Variants in KLHDC10 observed in about 807,000 individuals in gnomAD.
KLHDC10 encodes the protein kelch domain-containing protein 10.
Under a neutral mutation model 56.1 loss-of-function variants are expected in KLHDC10, and 24 were observed. The observed-to-expected ratio is 0.43, with a 90% CI of 0.31 to 0.60. The LOEUF (loss-of-function observed/expected upper bound fraction) is 0.60. Among genes scored for constraint, KLHDC10 ranks in the 20% least tolerant of loss-of-function variants. The probability of loss-of-function intolerance (pLI) is 0.11; values close to 1 mark genes in which losing one functional copy is unlikely to be tolerated. For synonymous variants in KLHDC10, 188 were observed against 207.1 expected, an observed-to-expected ratio of 0.91 and a Z score of 0.79; for missense variants, 349 against 567.0, an observed-to-expected ratio of 0.62 and a Z score of 3.91.
Position 130,106,728 on chromosome 7 carries a change from A to G in KLHDC10, c.254-9717A>G, listed in dbSNP as rs201463503. ...CACAGTGGCTCATGCCTGTAATCCC[A>G]GCGCTTTGGGAGGCTGAGGTGGGAG... On this transcript the variant is annotated intron_variant, in intron 2 of 9. Coordinates refer to ENST00000335420, the MANE Select transcript of KLHDC10 (RefSeq NM_014997.4). 1.1e-4 allele frequency among the ~76,000 whole-genome samples: 16 copies of G among 152,350 alleles called. No individual in the cohort carries two copies. In the East Asian group the frequency reaches 2.3e-3, roughly 22 times the overall value.
intron 2 of KLHDC10, among the ~76,000 whole-genome samples, chr7:130,109,149 C>CCCTA (rs1426984605): frequency 1.3e-5 from 2 of 152,052 alleles, no homozygotes; most frequent in Admixed American, 6.6e-5. Context: ...TCAAGTGATC[C>CCCTA]ACCCGCCTTG....
At chr7:130,119,043 C>CT (rs2116906409) in intron 3 of KLHDC10, among the ~76,000 whole-genome samples, 1 of 144,466 alleles carries the variant, frequency 6.9e-6, no homozygotes, top group African/African-American at 2.6e-5. Flanking sequence ...AAGACCCTGT[C>CT]TCTTAAAAAA....
At chr7:130,074,979 T>G (rs1197964684) in intron 1 of KLHDC10, among the ~76,000 whole-genome samples, 1 of 152,184 alleles carries the variant, frequency 6.6e-6, no homozygotes, top group South Asian at 2.1e-4. Context: ...AACAATAGTT[T>G]GTGAAACCTT....
chr7:130,113,719 ATT>A (rs1796131699), intron 2 of KLHDC10, among the ~76,000 whole-genome samples: 1 of 152,162 alleles, frequency 6.6e-6, no homozygotes, highest in African/African-American at 2.4e-5. Flanking sequence ...TGTGAATTGT[ATT>A]TGTCACAGAG....
chr7:130,104,643 G>A (rs1206379912), intron 2 of KLHDC10, among the ~76,000 whole-genome samples: 4 of 152,162 alleles, frequency 2.6e-5, no homozygotes, highest in African/African-American at 9.7e-5. Context: ...AGGCTGTATA[G>A]GAAGCATGGT....
rs1330600724 is a variant in KLHDC10, at chr7:130,131,118, T to C, written c.*372T>C. ...ATACAATATTCTAGAAATTAAAACATCATCAACATAAAGAAAAATGAAATT... is the reference window on the plus strand; with the variant it reads ...ATACAATATTCTAGAAATTAAAACACCATCAACATAAAGAAAAATGAAATT... On this transcript the variant is annotated 3_prime_UTR_variant, in exon 10 of 10. Transcript: ENST00000335420. 6.2e-6 allele frequency: 1 copy of C among 161,286 alleles called. No individual in the cohort carries two copies. Among genetic ancestry groups the C allele is most frequent in the East Asian group, 1.8e-4 (1 of 5,682 alleles). The allele number at this position is 161,286 out of a possible 1,614,324, so 10.0% of individuals were successfully genotyped here.
At chr7:130,128,889 A>AATATATATAT (rs1554468213) in intron 8 of KLHDC10, among the ~76,000 whole-genome samples, 35 of 66,890 alleles carry the variant, frequency 5.2e-4, no homozygotes, top group South Asian at 1.1e-3. Context: ...AAAAAAAAAA[A>AATATATATAT]ATATATATAT....
At position 130,120,342 on chromosome 7, in the gene KLHDC10, GC is replaced by G. The variant is rs1796232077; in HGVS notation, c.476-404del. On this transcript the variant is annotated intron_variant, in intron 3 of 9. Coordinates refer to ENST00000335420, the MANE Select transcript of KLHDC10 (RefSeq NM_014997.4). This position sits in a 1 kb window ranked among gnomAD's most constrained non-coding sequence, Gnocchi z 5.1. ...GCCTAGCAATGAACTATGTGATAGA[GC>G]CCATATAGTGGAATTAGATCTTTTT... Among the ~76,000 whole-genome samples, 1 of 152,162 alleles carries G rather than the reference GC, an allele frequency of 6.6e-6. No homozygotes were observed. The highest frequency in any genetic ancestry group is 2.4e-5 in the African/African-American group (1 of 41,442).
chr7:130,086,299 G>T (rs949348045), intron 1 of KLHDC10, among the ~76,000 whole-genome samples: 1 of 152,080 alleles, frequency 6.6e-6, no homozygotes, highest in African/African-American at 2.4e-5. Flanking sequence ...ACACATAAAG[G>T]TTACGCTTAC....
chr7:130,116,738 C>T lies in KLHDC10; in HGVS notation c.475+72C>T. 8.2e-7 allele frequency: 1 copy of T among 1,212,962 alleles called. No individual in the cohort carries two copies. Among genetic ancestry groups the T allele is most frequent in the Non-Finnish European group, 1.2e-6 (1 of 819,506 alleles). The allele number at this position is 1,212,962 out of a possible 1,614,324, so 75.1% of individuals were successfully genotyped here. A position where few individuals can be genotyped will look rare whatever the true frequency, so the allele number is the denominator to read the frequency against. On this transcript the variant is annotated intron_variant, in intron 3 of 9. Coordinates refer to ENST00000335420, the MANE Select transcript of KLHDC10 (RefSeq NM_014997.4). The surrounding 1 kb of genome is among the most constrained non-coding windows in gnomAD (Gnocchi z 4.8). ...AAGCCAGGTTCAATGTCCCATATTC[C>T]TCATTAATAATTTATAACACTATAA...
At chr7:130,123,392 C>A (rs768511395) in intron 5 of KLHDC10, among the ~76,000 whole-genome samples, 1 of 151,926 alleles carries the variant, frequency 6.6e-6, no homozygotes, top group South Asian at 2.1e-4. Context: ...ATTGCTTGAA[C>A]CCGGGAGGCA....
Position 130,120,729 on chromosome 7 carries a change from T to C in KLHDC10, c.476-20T>C, listed in dbSNP as rs777906035. 6.2e-7 allele frequency: 1 copy of C among 1,613,072 alleles called. No homozygotes were observed. Among genetic ancestry groups the C allele is most frequent in the Non-Finnish European group, 8.5e-7 (1 of 1,179,438 alleles). ...GCAGGTAGCCATTTGTGAACAGAACTTGTGCTTCTCCTTCCTCAGTTGTGC... is the reference window on the plus strand; with the variant it reads ...GCAGGTAGCCATTTGTGAACAGAACCTGTGCTTCTCCTTCCTCAGTTGTGC... On this transcript the variant is annotated intron_variant, in intron 3 of 9. Coordinates refer to ENST00000335420, the MANE Select transcript of KLHDC10 (RefSeq NM_014997.4). This position sits in a 1 kb window ranked among gnomAD's most constrained non-coding sequence, Gnocchi z 5.1.
chr7:130,128,889 A>AAAAAAATATATATATATATAT, intron 8 of KLHDC10, among the ~76,000 whole-genome samples: 14 of 66,958 alleles, frequency 2.1e-4, no homozygotes, highest in African/African-American at 5.1e-4. Flanking sequence ...AAAAAAAAAA[A>AAAAAAATATATATATATATAT]ATATATATAT....
chr7:130,130,490 G>T lies in KLHDC10; in HGVS notation c.1120-47G>T. ...TTTTCCCCACTGAGTCTTCAGCCTT[G>T]TATGTTTCTCTCCCGTTTGAATTTG... On this transcript the variant is annotated intron_variant, in intron 9 of 9. Transcript: ENST00000335420. This position sits in a 1 kb window ranked among gnomAD's most constrained non-coding sequence, Gnocchi z 4.2. 1.3e-6 allele frequency: 2 copies of T among 1,490,476 alleles called. No individual in the cohort carries two copies. The highest frequency in any genetic ancestry group is 1.1e-5 in the South Asian group (1 of 88,594). 92.3% of individuals were successfully genotyped at this position (1,490,476 alleles called of 1,614,324 possible).
intron 6 of KLHDC10, among the ~76,000 whole-genome samples, chr7:130,125,042 G>T (rs755661691): frequency 3.9e-5 from 6 of 152,192 alleles, no homozygotes; most frequent in Non-Finnish European, 2.9e-5. Context: ...CTCCTGGACT[G>T]CTTGGAACCT....
At chr7:130,129,004 G>C (rs1383364611) in intron 8 of KLHDC10, among the ~76,000 whole-genome samples, 2 of 145,162 alleles carry the variant, frequency 1.4e-5, no homozygotes, top group Non-Finnish European at 3.0e-5. Context: ...AAAAATGGAC[G>C]ATCTGGCAAT....
chr7:130,120,611 A>T lies in KLHDC10; in HGVS notation c.476-138A>T. ...TTCAGATTTGGCACGCTCAGCTACT[A>T]GTTAGATGTCAGTGGTTTGAGCTAT... On this transcript the variant is annotated intron_variant, in intron 3 of 9. Coordinates refer to ENST00000335420, the MANE Select transcript of KLHDC10 (RefSeq NM_014997.4). The surrounding 1 kb of genome is among the most constrained non-coding windows in gnomAD (Gnocchi z 5.1). 2.4e-6 allele frequency: 2 copies of T among 818,524 alleles called. No individual in the cohort carries two copies. Among genetic ancestry groups the T allele is most frequent in the Non-Finnish European group, 3.8e-6 (2 of 524,302 alleles). The allele number at this position is 818,524 out of a possible 1,614,324, so 50.7% of individuals were successfully genotyped here.
At chr7:130,098,883 G>C (rs1795890809) in intron 2 of KLHDC10, among the ~76,000 whole-genome samples, 1 of 152,130 alleles carries the variant, frequency 6.6e-6, no homozygotes, top group Non-Finnish European at 1.5e-5. Context: ...AAAAAAGATT[G>C]CACAGGTAAG....
rs1179243851 is a variant in KLHDC10 at position 130,120,781 on chromosome 7, G to T, written c.508G>T (p.Gly170Ter). Residue 170 changes from glycine (G) to a stop codon, truncating the protein, a stop_gained, in exon 4 of 10, where the codon GGA becomes TGA. Coordinates refer to ENST00000335420, the MANE Select transcript of KLHDC10 (RefSeq NM_014997.4). LOFTEE classifies it high-confidence loss of function. This position sits in a 1 kb window ranked among gnomAD's most constrained non-coding sequence, Gnocchi z 5.1. ...VLHGNNLLVF[G>*]GTGIPFGESN... ...GCATGGAAACAACCTGTTAGTATTT[G>T]GAGGTACGGGCATCCCATTTGGAGA... 6.2e-7 allele frequency: 1 copy of T among 1,614,116 alleles called. No individual in the cohort carries two copies. The highest frequency in any genetic ancestry group is 8.5e-7 in the Non-Finnish European group (1 of 1,179,994).
Sources: allele counts gnomAD v4.1 joint callset (sites outside exome capture counted in the v4.1 genomes callset), GRCh38; gene constraint gnomAD v4.1.1; non-coding constraint Gnocchi (gnomAD v3.1); transcripts MANE v1.5; gene names NCBI Gene and HGNC (gene_info 2026-07-23, HGNC 2026-07-21).